The following HAVCR2 variants were observed in gnomAD, a reference collection of about 807,000 sequenced individuals.
The protein encoded by HAVCR2 is T cell immunoglobulin mucin 3.
In HAVCR2, 13 loss-of-function variants were observed where a neutral mutation model predicts 24.7. The ratio of observed to expected loss-of-function variants is 0.53; its 90% CI spans 0.34 to 0.84. HAVCR2 has a LOEUF of 0.84. HAVCR2 is among the 40% of genes least tolerant of loss of function. The pLI is 0.01. For synonymous variants in HAVCR2, 154 were observed against 143.4 expected, an observed-to-expected ratio of 1.07 and a Z score of -0.53; for missense variants, 343 against 371.2, an observed-to-expected ratio of 0.92 and a Z score of 0.62.
intron 6 of HAVCR2, 35 bp from the exon 7 acceptor site, chr5:157,087,329 T>C: frequency 4.5e-6 from 7 of 1,565,306 alleles, no homozygotes; most frequent in Non-Finnish European, 4.3e-6. Context: ...GAGTTAAGCA[T>C]TTCCCAGGTA....
At chr5:157,097,431 A>G (rs1757108416) in intron 4 of HAVCR2, among the ~76,000 whole-genome samples, 1 of 151,644 alleles carries the variant, frequency 6.6e-6, no homozygotes, top group African/African-American at 2.4e-5. Context: ...AATTTTAAAA[A>G]ATATTTTTTG....
intron 1 of HAVCR2, among the ~76,000 whole-genome samples, chr5:157,108,632 C>T (rs990206533): frequency 3.9e-5 from 6 of 152,194 alleles, no homozygotes; most frequent in African/African-American, 9.7e-5. Flanking sequence ...CATATTCCTG[C>T]TCCCCGACAA....
intron 1 of HAVCR2, among the ~76,000 whole-genome samples, chr5:157,108,150 T>A (rs1237397682): frequency 6.6e-6 from 1 of 152,008 alleles, no homozygotes; most frequent in African/African-American, 2.4e-5. Flanking sequence ...TTCATATGAC[T>A]CAACTACAGT....
intron 3 of HAVCR2, among the ~76,000 whole-genome samples, chr5:157,100,901 T>G (rs555643896): frequency 6.6e-6 from 1 of 151,982 alleles, no homozygotes; most frequent in Non-Finnish European, 1.5e-5. Context: ...ATCGAGACCA[T>G]CCTGGCCAAT....
At chr5:157,106,458 G>T in intron 2 of HAVCR2, 169 bp downstream of exon 2, 1 of 616,436 alleles carries the variant, frequency 1.6e-6, no homozygotes, top group South Asian at 2.0e-5. Context: ...ACAGAGAGAA[G>T]GTGTTAAATA....
chr5:157,106,626 C>G lies in HAVCR2; in HGVS notation c.394+1G>C, dbSNP rs1260509914. 6.2e-7 allele frequency: 1 copy of G among 1,612,274 alleles called. No homozygotes were observed. The highest frequency in any genetic ancestry group is 1.3e-5 in the African/African-American group (1 of 74,898). ...AAGATGGCATGCAAATGTCCACTCA[C>G]CTGGTTTGATGACCAACTTCAGGTT... On this transcript the variant is annotated splice_donor_variant, in intron 2 of 6. Transcript: ENST00000307851. LOFTEE classifies it high-confidence loss of function.
intron 3 of HAVCR2, among the ~76,000 whole-genome samples, chr5:157,099,632 C>T (rs1227124464): frequency 6.6e-6 from 1 of 152,084 alleles, no homozygotes; most frequent in Non-Finnish European, 1.5e-5. Context: ...GACAGTCTCA[C>T]TCTGTTGCCC....
chr5:157,098,556 C>T (rs1249735833), intron 4 of HAVCR2, among the ~76,000 whole-genome samples: 1 of 152,104 alleles, frequency 6.6e-6, no homozygotes, highest in Non-Finnish European at 1.5e-5. Context: ...ATCTTTGAAC[C>T]TTCCACAGGG....
chr5:157,095,746 A>AGCTCTTAAGAGCTCTTAAGAG, intron 4 of HAVCR2, among the ~76,000 whole-genome samples: 1 of 150,710 alleles, frequency 6.6e-6, no homozygotes, highest in East Asian at 2.0e-4. Context: ...AGCTCTTAAG[A>AGCTCTTAAGAGCTCTTAAGAG]CCCTTTCCCT....
chr5:157,100,415 T>C (rs1581760580), intron 3 of HAVCR2, among the ~76,000 whole-genome samples: 1 of 152,234 alleles, frequency 6.6e-6, no homozygotes, highest in Non-Finnish European at 1.5e-5. Flanking sequence ...CTTTCCTTCC[T>C]GTTCATTTGT....
At position 157,097,523 on chromosome 5, in the gene HAVCR2, G is replaced by A. The variant is rs547219253; in HGVS notation, c.522+1335C>T. Among the ~76,000 whole-genome samples, 31 of 152,268 alleles carry A rather than the reference G, an allele frequency of 2.0e-4. No homozygotes were observed. The East Asian group carries it at 5.8e-3, about 28-fold the overall frequency. On this transcript the variant is annotated intron_variant, in intron 4 of 6. Transcript: ENST00000307851. ...ATTCCTTCCACCTTGGCCTCCTAAA[G>A]TGCTGGGATTACAGGCATGAGACAC...
chr5:157,090,117 C>CTTTTTTTTTT (rs1458220437), intron 5 of HAVCR2, among the ~76,000 whole-genome samples: 1 of 78,458 alleles, frequency 1.3e-5, no homozygotes, highest in South Asian at 3.8e-4. Flanking sequence ...CCTTTCTTTT[C>CTTTTTTTTTT]TTTTCTTTTT....
chr5:157,098,664 A>G (rs1021040872), intron 4 of HAVCR2, among the ~76,000 whole-genome samples, 194 bp downstream of exon 4: 12 of 152,082 alleles, frequency 7.9e-5, no homozygotes, highest in Non-Finnish European at 1.5e-5. Context: ...CTTTACACAC[A>G]TCATGTCAGT....
chr5:157,095,432 G>GT lies in HAVCR2; in HGVS notation c.549dup (p.Arg184ThrfsTer4). The stretch of plus-strand genomic sequence containing the variant: ...AAGTCATTGGCCAATCTAGAGTCCC[G>GT]TAACTCATTGGCCAATGTGGATATT... On this transcript the variant is annotated frameshift_variant, in exon 5 of 7. Coordinates refer to ENST00000307851, the MANE Select transcript of HAVCR2 (RefSeq NM_032782.5). LOFTEE classifies it high-confidence loss of function. 2 of 1,613,896 alleles carry GT rather than the reference G, an allele frequency of 1.2e-6. No individual in the cohort carries two copies. Among genetic ancestry groups the GT allele is most frequent in the Non-Finnish European group, 1.7e-6 (2 of 1,179,872 alleles).
At position 157,088,992 on chromosome 5, in the gene HAVCR2, A is replaced by C. The variant is rs1477484950; in HGVS notation, c.677-15T>G. 4.4e-6 allele frequency: 7 copies of C among 1,598,200 alleles called. No homozygotes were observed. The highest frequency in any genetic ancestry group is 5.1e-6 in the Non-Finnish European group (6 of 1,173,404). ...ATGAGAATACCCTAGTAAGGGGGAA[A>C]CAAAAGCCAATAAAAATGCATTCAT... is the stretch of plus-strand genomic sequence containing the variant. On this transcript the variant is annotated splice_polypyrimidine_tract_variant and intron_variant, in intron 5 of 6. Transcript: ENST00000307851.
rs556443053 is a variant in HAVCR2, at chr5:157,092,878, C to CAAAAAA, written c.676+2422_676+2427dup. Reference sequence around the variant, plus strand: ...CAACATGGCAAAACCCTGTCTCTACCAAAAAAAAAAAAAAAAAAAAAAAAA... The same window carrying CAAAAAA: ...CAACATGGCAAAACCCTGTCTCTACCAAAAAAAAAAAAAAAAAAAAAAAAAAAAAAA... On this transcript the variant is annotated intron_variant, in intron 5 of 6. Coordinates refer to ENST00000307851, the MANE Select transcript of HAVCR2 (RefSeq NM_032782.5). Among the ~76,000 whole-genome samples the CAAAAAA allele has an allele frequency of 1.2e-3, 51 of 44,042 alleles. 12 individuals are homozygous for CAAAAAA. The highest frequency in any genetic ancestry group is 2.1e-3 in the African/African-American group (26 of 12,176). 28.9% of individuals were successfully genotyped at this position (44,042 alleles called of 152,430 possible).
At chr5:157,089,536 C>CAA (rs11365810) in intron 5 of HAVCR2, among the ~76,000 whole-genome samples, 35 of 100,340 alleles carry the variant, frequency 3.5e-4, no homozygotes, top group Admixed American at 9.5e-4. Context: ...AACTCCGTCT[C>CAA]AAAAAAAAAA....
intron 1 of HAVCR2, among the ~76,000 whole-genome samples, chr5:157,107,608 G>T (rs185983034): frequency 1.3e-5 from 2 of 152,192 alleles, no homozygotes; most frequent in Admixed American, 1.3e-4. Context: ...GTCAAGCTGG[G>T]AACTGGGTCA....
chr5:157,104,574 C>T (rs1757219140), intron 3 of HAVCR2, 92 bp downstream of exon 3: 14 of 886,434 alleles, frequency 1.6e-5, no homozygotes, highest in Non-Finnish European at 2.0e-5. Flanking sequence ...CCTCCACTCT[C>T]ACACTGTTTT....
Sources: allele counts gnomAD v4.1 joint callset (sites outside exome capture counted in the v4.1 genomes callset), GRCh38; gene constraint gnomAD v4.1.1; transcripts MANE v1.5; gene names NCBI Gene and HGNC (gene_info 2026-07-23, HGNC 2026-07-21).